The following ZBTB46 variants were observed in gnomAD, a reference collection of about 807,000 sequenced individuals.
ZBTB46 encodes zinc finger and BTB domain containing 46.
In ZBTB46, 8 loss-of-function variants were observed where a neutral mutation model predicts 44.1. The observed-to-expected ratio is 0.18, with a 90% CI of 0.11 to 0.33. The LOEUF is 0.33. Among genes scored for constraint, ZBTB46 ranks in the 10% least tolerant of loss-of-function variants. The pLI is 1.00. For synonymous variants in ZBTB46, 409 were observed against 382.3 expected (o/e 1.07, Z -0.81); for missense variants, 651 against 847.7 (o/e 0.77, Z 2.88).
At position 63,803,282 on chromosome 20, in the gene ZBTB46, G is replaced by A. The variant is rs1239438894; in HGVS notation, c.-33-12492C>T. Reference sequence around the variant, plus strand: ...CTTCTTCTGAAAAAATTAAGGTTAAGACATGAATACTGTGAAACTGTCGTA... The same window carrying A: ...CTTCTTCTGAAAAAATTAAGGTTAAAACATGAATACTGTGAAACTGTCGTA... On this transcript the variant is annotated intron_variant, in intron 1 of 4. Coordinates refer to ENST00000245663, the MANE Select transcript of ZBTB46 (RefSeq NM_001369741.1). This position sits in a 1 kb window ranked among gnomAD's most constrained non-coding sequence, Gnocchi z 4.0. 1 of 981,484 alleles carries A rather than the reference G, an allele frequency of 1.0e-6. No homozygotes were observed. Among genetic ancestry groups the A allele is most frequent in the Non-Finnish European group, 1.2e-6 (1 of 826,456 alleles). 60.8% of individuals were successfully genotyped at this position (981,484 alleles called of 1,614,324 possible).
At position 63,790,561 on chromosome 20, in the gene ZBTB46, G is replaced by A. The variant is rs1393153061; in HGVS notation, c.197C>T (p.Thr66Met). 5.0e-6 allele frequency: 8 copies of A among 1,613,196 alleles called. No individual in the cohort carries two copies. Among genetic ancestry groups the A allele is most frequent in the Middle Eastern group, 1.6e-4 (1 of 6,084 alleles). ...GTGCGTGACCGTGGCCTGCTCCGACGTCTTCTGCACCTGGCAGTAGAGCGT... is the reference window on the plus strand; with the variant it reads ...GTGCGTGACCGTGGCCTGCTCCGACATCTTCTGCACCTGGCAGTAGAGCGT... The part of the protein sequence containing the change: ...FKTLYCQVQK[T>M]SEQATVTHLD... Residue 66 changes from threonine to methionine, a missense_variant, in exon 2 of 5, where the codon ACG becomes ATG. Transcript: ENST00000245663.
At chr20:63,760,465 G>GTTT in intron 3 of ZBTB46, among the ~76,000 whole-genome samples, 1 of 150,568 alleles carries the variant, frequency 6.6e-6, no homozygotes, top group African/African-American at 2.4e-5. Context: ...TTATATCAGT[G>GTTT]TTTTTGTTTT....
chr20:63,830,086 CTTTCT>C (rs756909078), intron 1 of ZBTB46, among the ~76,000 whole-genome samples: 3 of 152,232 alleles, frequency 2.0e-5, no homozygotes, highest in Non-Finnish European at 2.9e-5. Flanking sequence ...GAATCTCAAA[CTTTCT>C]TTTGTTTATA....
intron 1 of ZBTB46, among the ~76,000 whole-genome samples, chr20:63,819,130 G>A (rs1010668304): frequency 3.6e-4 from 55 of 152,106 alleles, no homozygotes; most frequent in African/African-American, 1.3e-3. Flanking sequence ...CTGAGATCGC[G>A]CCACTGCACT....
At chr20:63,798,591 C>T (rs2092620397) in intron 1 of ZBTB46, among the ~76,000 whole-genome samples, 2 of 145,948 alleles carry the variant, frequency 1.4e-5, no homozygotes, top group East Asian at 4.1e-4. Context: ...AGGAGAATCA[C>T]TTGAGCCTGG....
intron 1 of ZBTB46, among the ~76,000 whole-genome samples, chr20:63,825,785 C>T (rs1486903838): frequency 5.3e-5 from 8 of 152,168 alleles, no homozygotes; most frequent in Non-Finnish European, 4.4e-5. Flanking sequence ...GTTGGGAAAG[C>T]GGCGAATCAA....
At chr20:63,814,955 C>A (rs2092739630) in intron 1 of ZBTB46, 1 of 155,956 alleles carries the variant, frequency 6.4e-6, no homozygotes. Context: ...GGGGTCCCAG[C>A]TACTCAGGAA....
chr20:63,804,621 C>A (rs918855403), intron 1 of ZBTB46, among the ~76,000 whole-genome samples: 1 of 152,134 alleles, frequency 6.6e-6, no homozygotes, highest in African/African-American at 2.4e-5. Context: ...AGGCCGGGCA[C>A]GGTGGCTCAC....
intron 2 of ZBTB46, among the ~76,000 whole-genome samples, chr20:63,778,624 G>A (rs540109248): frequency 3.3e-5 from 5 of 152,316 alleles, no homozygotes; most frequent in South Asian, 2.1e-4. Flanking sequence ...TGGCAGGAGC[G>A]GGTGGGAGTC....
At position 63,752,658 on chromosome 20, in the gene ZBTB46, G is replaced by A. The variant is rs1054076493; in HGVS notation, c.1398+28C>T. On this transcript the variant is annotated intron_variant, in intron 4 of 4. Coordinates refer to ENST00000245663, the MANE Select transcript of ZBTB46 (RefSeq NM_001369741.1). This position sits in a 1 kb window ranked among gnomAD's most constrained non-coding sequence, Gnocchi z 5.6. ...CGGACATCGTGGCCACGCGCAGCGC[G>A]CGGCACGCGGACCCTCCCCGCACTC... 6 of 1,503,362 alleles carry A rather than the reference G, an allele frequency of 4.0e-6. No individual in the cohort carries two copies. Among genetic ancestry groups the A allele is most frequent in the East Asian group, 2.4e-5 (1 of 41,482 alleles). The allele number at this position is 1,503,362 out of a possible 1,614,324, so 93.1% of individuals were successfully genotyped here. A position where few individuals can be genotyped will look rare whatever the true frequency, so the allele number is the denominator to read the frequency against.
intron 1 of ZBTB46, among the ~76,000 whole-genome samples, chr20:63,795,976 G>A (rs1015139799): frequency 1.3e-5 from 2 of 152,194 alleles, no homozygotes; most frequent in Non-Finnish European, 2.9e-5. Flanking sequence ...CTGCTGTTGA[G>A]GACGCACACT....
chr20:63,806,135 C>T (rs1601512267), intron 1 of ZBTB46, among the ~76,000 whole-genome samples: 1 of 151,414 alleles, frequency 6.6e-6, no homozygotes, highest in East Asian at 2.0e-4. Context: ...GGAAAGGTGG[C>T]TCACGCCTGT....
In ZBTB46 at chr20:63,775,810, C is replaced by T. The variant is rs760183818; in HGVS notation, c.1090G>A (p.Ala364Thr). The change falls in exon 3 of 5, where the codon GCC becomes ACC. Residue 364 changes from alanine to threonine, a missense_variant. By Grantham distance (58) the Ala-to-Thr change is moderately conservative. Coordinates refer to ENST00000245663, the MANE Select transcript of ZBTB46 (RefSeq NM_001369741.1). ...GCGCGCAGGTTGGCCACCGCGGTGGCCTGATGCAGGGCGTCGTCCTTCTCT... is the reference window on the plus strand; with the variant it reads ...GCGCGCAGGTTGGCCACCGCGGTGGTCTGATGCAGGGCGTCGTCCTTCTCT... ...TPEKDDALHQATAVANLRAAL... is the reference protein window; with the variant it reads ...TPEKDDALHQTTAVANLRAAL... The T allele has an allele frequency of 1.2e-6, 2 of 1,613,424 alleles. No individual in the cohort carries two copies. The highest frequency in any genetic ancestry group is 1.7e-5 in the Admixed American group (1 of 60,026).
rs2092082778 is a variant in ZBTB46, at chr20:63,745,772, G to A, written c.*1158C>T. 1 of 152,344 alleles carries A rather than the reference G, an allele frequency of 6.6e-6. No homozygotes were observed. The allele number at this position is 152,344 out of a possible 1,614,324, so 9.4% of individuals were successfully genotyped here. On this transcript the variant is annotated 3_prime_UTR_variant, in exon 5 of 5. Transcript: ENST00000245663. ...GCAGCCTGCCTCCGGGACCCCCAAAGCCAGGCGGTGCACCACAGCACACAC... is the reference window on the plus strand; with the variant it reads ...GCAGCCTGCCTCCGGGACCCCCAAAACCAGGCGGTGCACCACAGCACACAC...
At chr20:63,813,314 T>C (rs2092728379) in intron 1 of ZBTB46, among the ~76,000 whole-genome samples, 1 of 151,744 alleles carries the variant, frequency 6.6e-6, no homozygotes, top group South Asian at 2.1e-4. Flanking sequence ...CCGGGTGTGG[T>C]GGAGCGCGCC....
intron 1 of ZBTB46, among the ~76,000 whole-genome samples, chr20:63,799,989 G>A (rs566664117): frequency 8.5e-5 from 13 of 152,254 alleles, no homozygotes; most frequent in Admixed American, 4.6e-4. Flanking sequence ...ATGCGTGAAC[G>A]TTCACACCAG....
chr20:63,774,691 TTTTTTTG>T (rs1161239314), intron 3 of ZBTB46, among the ~76,000 whole-genome samples: 2 of 39,430 alleles, frequency 5.1e-5, no homozygotes, highest in Non-Finnish European at 1.0e-4. Context: ...TGCGGTGGGT[TTTTTTTG>T]TTTTTTTTTT....
At chr20:63,778,201 GCTT>G (rs2092440612) in intron 2 of ZBTB46, among the ~76,000 whole-genome samples, 1 of 152,094 alleles carries the variant, frequency 6.6e-6, no homozygotes, top group South Asian at 2.1e-4. Flanking sequence ...TCTCAGTAAA[GCTT>G]CTATTTAACA....
chr20:63,783,260 T>C (rs2145899312), intron 2 of ZBTB46, among the ~76,000 whole-genome samples: 1 of 150,224 alleles, frequency 6.7e-6, no homozygotes, highest in Non-Finnish European at 1.5e-5. Flanking sequence ...AAACCCCGTC[T>C]CTACTAAAAA....
Sources: allele counts gnomAD v4.1 joint callset (sites outside exome capture counted in the v4.1 genomes callset), GRCh38; gene constraint gnomAD v4.1.1; non-coding constraint Gnocchi (gnomAD v3.1); transcripts MANE v1.5; gene names NCBI Gene and HGNC (gene_info 2026-07-23, HGNC 2026-07-21).